BTBD8: variants seen among roughly 807,000 people sequenced by gnomAD.
BTBD8 encodes BTB domain containing 8.
A neutral mutation model predicts 162.9 loss-of-function variants in BTBD8; 110 were observed. That is an observed-to-expected ratio of 0.68 (90% CI 0.58 to 0.79). The LOEUF is 0.79. Among genes scored for constraint, BTBD8 ranks in the 30% least tolerant of loss-of-function variants. The pLI is 0.00. For missense variants in BTBD8, 1,905 were observed against 2,085.4 expected, an observed-to-expected ratio of 0.91 and a Z score of 1.68; for synonymous variants, 667 against 716.1, an observed-to-expected ratio of 0.93 and a Z score of 1.10.
chr1:92,080,706 C>T lies in BTBD8; in HGVS notation c.135C>T (p.Ser45=), dbSNP rs533280264. Reference sequence around the variant, plus strand: ...AGGCGACGGTGTCGGAGCAGCTCAGCCAGGATTTGCTCAGGTAGGAGGAGG... The same window carrying T: ...AGGCGACGGTGTCGGAGCAGCTCAGTCAGGATTTGCTCAGGTAGGAGGAGG... ...RLKATVSEQL[S]QDLLRLLREE... The change falls in exon 1 of 18, where the codon AGC becomes AGT. Residue 45 remains serine, a synonymous_variant. Transcript: ENST00000636805. 6 of 1,611,064 alleles carry T rather than the reference C, an allele frequency of 3.7e-6. No individual in the cohort carries two copies. The highest frequency in any genetic ancestry group is 5.1e-6 in the Non-Finnish European group (6 of 1,178,954).
Position 92,184,327 on chromosome 1 carries a change from T to G in BTBD8, c.5376T>G (p.His1792Gln). 1 of 1,537,478 alleles carries G rather than the reference T, an allele frequency of 6.5e-7. No homozygotes were observed. Among genetic ancestry groups the G allele is most frequent in the Non-Finnish European group, 8.8e-7 (1 of 1,140,272 alleles). ...CAATTCTGGAACTGGAAACTCAGCA[T>G]TAAGTGTTAACATTTTGGAAAAATT... is the stretch of plus-strand genomic sequence containing the variant. ...EWTILELETQ[H>Q] The change falls in exon 18 of 18, where the codon CAT becomes CAG. Residue 1792 changes from histidine (H) to glutamine (Q), a missense_variant. His to Gln is a conservative substitution (Grantham distance 24). Around this residue, in one of 3 missense-constraint regions of BTBD8, gnomAD observed 517 missense variants for 606.6 expected, o/e 0.85. Coordinates refer to ENST00000636805, the MANE Select transcript of BTBD8 (RefSeq NM_001376131.1).
chr1:92,177,286 G>A lies in BTBD8; in HGVS notation c.2093G>A (p.Gly698Glu), dbSNP rs1005764056. The change falls in exon 14 of 18, where the codon GGA (glycine) becomes GAA (glutamate). Residue 698 changes from glycine (G) to glutamate (E), a missense_variant. Transcript: ENST00000636805. Reference protein sequence around the residue: ...ISGARPKVLTGNLNVQAKAKP... With the variant: ...ISGARPKVLTENLNVQAKAKP... Reference sequence around the variant, plus strand: ...GGTGCCAGACCCAAGGTACTCACAGGAAACTTAAATGTGCAAGCCAAAGCA... The same window carrying A: ...GGTGCCAGACCCAAGGTACTCACAGAAAACTTAAATGTGCAAGCCAAAGCA... 6.4e-7 allele frequency: 1 copy of A among 1,552,102 alleles called. No individual in the cohort carries two copies. Among genetic ancestry groups the A allele is most frequent in the Non-Finnish European group, 8.7e-7 (1 of 1,147,094 alleles).
Position 92,129,673 on chromosome 1 carries a change from C to A in BTBD8, c.663-14C>A, listed in dbSNP as rs200745257. ...TAAATGTTTACCTGTGTTTCTCCCC[C>A]CTCTTCCCTTTAGGGCCATTTTGAG... On this transcript the variant is annotated splice_polypyrimidine_tract_variant and intron_variant, in intron 4 of 17. Transcript: ENST00000636805. 28 of 1,601,140 alleles carry A rather than the reference C, an allele frequency of 1.7e-5. No individual in the cohort carries two copies. Among genetic ancestry groups the A allele is most frequent in the South Asian group, 5.5e-5 (5 of 90,850 alleles).
At chr1:92,136,076 T>C (rs1047668022) in intron 5 of BTBD8, among the ~76,000 whole-genome samples, 10 of 152,222 alleles carry the variant, frequency 6.6e-5, no homozygotes, top group African/African-American at 2.2e-4. Flanking sequence ...GTATTAAAGA[T>C]GCAGAATTTT....
intron 4 of BTBD8, chr1:92,125,801 C>A (rs1372207548): frequency 2.4e-6 from 1 of 408,500 alleles, no homozygotes; most frequent in Non-Finnish European, 4.8e-6. Context: ...TCCTTTATCA[C>A]TGGAGAGAGA....
intron 3 of BTBD8, among the ~76,000 whole-genome samples, chr1:92,106,743 T>C (rs1249323523): frequency 1.8e-5 from 2 of 111,162 alleles, no homozygotes; most frequent in East Asian, 6.3e-4. Flanking sequence ...ATTAATCAAA[T>C]CAAAATTTAG....
chr1:92,157,552 G>A (rs559354006), intron 9 of BTBD8, among the ~76,000 whole-genome samples: 1 of 152,276 alleles, frequency 6.6e-6, no homozygotes, highest in South Asian at 2.1e-4. Context: ...CTCCCAGATT[G>A]GAGTTCAGTG....
At chr1:92,168,047 A>C in intron 11 of BTBD8, 62 bp downstream of exon 11, 1 of 1,425,082 alleles carries the variant, frequency 7.0e-7, no homozygotes, top group Non-Finnish European at 9.4e-7. Context: ...TTTTAGATGT[A>C]TGTGCATTTT....
Position 92,147,686 on chromosome 1 carries a change from G to A in BTBD8, c.1022G>A (p.Trp341Ter). Reference sequence around the variant, plus strand: ...GTGGTATTCTTTTATTTTAACAGGTGGATTGTAAAGCATTTTGCAAGGTTT... The same window carrying A: ...GTGGTATTCTTTTATTTTAACAGGTAGATTGTAAAGCATTTTGCAAGGTTT... ...VESLFADCMK[W>*]IVKHFARFWS... Residue 341 changes from tryptophan (W) to a stop codon, truncating the protein, a stop_gained and splice_region_variant, in exon 9 of 18, where the codon TGG becomes TAG. Coordinates refer to ENST00000636805, the MANE Select transcript of BTBD8 (RefSeq NM_001376131.1). LOFTEE classifies it high-confidence loss of function. 1 of 1,600,560 alleles carries A rather than the reference G, an allele frequency of 6.2e-7. No individual in the cohort carries two copies. Among genetic ancestry groups the A allele is most frequent in the Non-Finnish European group, 8.5e-7 (1 of 1,174,466 alleles).
Position 92,117,017 on chromosome 1 carries a change from T to C in BTBD8, c.662+9016T>C, listed in dbSNP as rs146789653. Among the ~76,000 whole-genome samples the C allele has an allele frequency of 7.8e-3, 1,182 of 151,968 alleles. 16 individuals carry two copies. The highest frequency in any genetic ancestry group is 0.014 in the Non-Finnish European group (921 of 68,004). On this transcript the variant is annotated intron_variant, in intron 4 of 17. Coordinates refer to ENST00000636805, the MANE Select transcript of BTBD8 (RefSeq NM_001376131.1). The stretch of plus-strand genomic sequence containing the variant: ...GCATTTGCCATCATACTCAGCTAAT[T>C]TAAAAAATTTTTTGTAGAGATGGGT...
intron 13 of BTBD8, among the ~76,000 whole-genome samples, 156 bp from the exon 14 acceptor site, chr1:92,176,673 T>C (rs773879237): frequency 2.6e-5 from 4 of 152,238 alleles, no homozygotes; most frequent in Non-Finnish European, 5.9e-5. Flanking sequence ...GACAAAGTTT[T>C]GATCCAAATG....
At chr1:92,156,765 G>A (rs1236998218) in intron 9 of BTBD8, among the ~76,000 whole-genome samples, 1 of 151,672 alleles carries the variant, frequency 6.6e-6, no homozygotes, top group Non-Finnish European at 1.5e-5. Flanking sequence ...ATTTTAATTT[G>A]TGTCATCTAT....
At chr1:92,097,260 C>T (rs531802903) in intron 2 of BTBD8, among the ~76,000 whole-genome samples, 70 of 152,230 alleles carry the variant, frequency 4.6e-4, no homozygotes, top group Non-Finnish European at 6.0e-4. Context: ...CCTGACCTGC[C>T]TTCACTTTCA....
rs202095099 is a variant in BTBD8 at position 92,176,108 on chromosome 1, T to TA, written c.1636-712dup. Reference sequence around the variant, plus strand: ...ATGTGCTGTGCTTCCTAGGAGCTTTTAAAAAAAAATTTTTTTAAATAAGGA... The same window carrying TA: ...ATGTGCTGTGCTTCCTAGGAGCTTTTAAAAAAAAAATTTTTTTAAATAAGGA... On this transcript the variant is annotated intron_variant, in intron 13 of 17. Transcript: ENST00000636805. Among the ~76,000 whole-genome samples the TA allele has an allele frequency of 5.3e-5, 8 of 152,084 alleles. No homozygotes were observed. The East Asian group carries it at 5.8e-4, about 11-fold the overall frequency.
At chr1:92,110,612 G>A (rs72956840) in intron 4 of BTBD8, among the ~76,000 whole-genome samples, 2,233 of 152,146 alleles carry the variant, frequency 0.015, 60 homozygotes, top group African/African-American at 0.05. Context: ...CTGGGATCTC[G>A]GCTCACTGCA....
At chr1:92,169,714 A>G (rs892073361) in intron 12 of BTBD8, among the ~76,000 whole-genome samples, 1 of 152,204 alleles carries the variant, frequency 6.6e-6, no homozygotes, top group Non-Finnish European at 1.5e-5. Flanking sequence ...AAGAGACTGA[A>G]TTTTATGAAG....
At position 92,139,315 on chromosome 1, in the gene BTBD8, T is replaced by C. The variant is rs760813121; in HGVS notation, c.753-35T>C. 5 of 1,543,482 alleles carry C rather than the reference T, an allele frequency of 3.2e-6. No individual in the cohort carries two copies. The South Asian group carries it at 6.4e-5, about 20-fold the overall frequency. On this transcript the variant is annotated intron_variant, in intron 5 of 17. Transcript: ENST00000636805. ...ATGAATCATTGATATCAGTTAAACC[T>C]TAATTCTGGATTTGAGTTTTCTTTT...
chr1:92,148,998 A>G (rs1649986392), intron 9 of BTBD8, among the ~76,000 whole-genome samples: 1 of 152,212 alleles, frequency 6.6e-6, no homozygotes, highest in African/African-American at 2.4e-5. Flanking sequence ...TTTTTCAGGA[A>G]TAAAGTTTGG....
At chr1:92,119,066 A>T (rs1649122622) in intron 4 of BTBD8, among the ~76,000 whole-genome samples, 1 of 151,762 alleles carries the variant, frequency 6.6e-6, no homozygotes, top group Admixed American at 6.6e-5. Context: ...TGGTGGGTGA[A>T]TGTGAAGGCT....
Sources: allele counts gnomAD v4.1 joint callset (sites outside exome capture counted in the v4.1 genomes callset), GRCh38; gene constraint gnomAD v4.1.1; regional missense constraint gnomAD v4.1.1; transcripts MANE v1.5; gene names NCBI Gene and HGNC (gene_info 2026-07-23, HGNC 2026-07-21).